Variants in SHTN1 observed in about 807,000 individuals in gnomAD.
SHTN1 encodes shootin 1, also known as shootin-1.
SHTN1 carries 42 observed loss-of-function variants against 83.1 expected under a neutral mutation model. The ratio of observed to expected loss-of-function variants is 0.51; its 90% CI spans 0.39 to 0.65. The LOEUF is 0.65. Among genes scored for constraint, SHTN1 ranks in the 30% least tolerant of loss-of-function variants. The pLI, the probability that SHTN1 is intolerant of heterozygous loss-of-function variation, is 0.00. For missense variants in SHTN1, 622 were observed against 737.8 expected (o/e 0.84, Z 1.82); for synonymous variants, 224 against 247.7 (o/e 0.90, Z 0.90).
At chr10:117,121,558 G>A (rs538727989) in intron 1 of SHTN1, among the ~76,000 whole-genome samples, 3 of 151,718 alleles carry the variant, frequency 2.0e-5, no homozygotes, top group South Asian at 4.2e-4. Flanking sequence ...CAGCCTGGCC[G>A]ATAGAGTGAG....
chr10:117,104,690 C>T (rs1388290338), intron 1 of SHTN1, among the ~76,000 whole-genome samples: 1 of 152,138 alleles, frequency 6.6e-6, no homozygotes, highest in African/African-American at 2.4e-5. Context: ...AGGAGAATGG[C>T]GTGAACCGGG....
intron 13 of SHTN1, among the ~76,000 whole-genome samples, chr10:116,914,207 C>T (rs993771218): frequency 3.7e-4 from 57 of 152,174 alleles, no homozygotes; most frequent in Admixed American, 3.0e-3. Flanking sequence ...GGCATGGTGG[C>T]TCATGCCTGT....
chr10:117,057,404 A>G (rs535231369), intron 1 of SHTN1, among the ~76,000 whole-genome samples: 1 of 152,138 alleles, frequency 6.6e-6, no homozygotes, highest in Non-Finnish European at 1.5e-5. Context: ...CAAATGTTGG[A>G]GAGCTGGGTT....
intron 14 of SHTN1, among the ~76,000 whole-genome samples, chr10:116,907,170 A>G (rs2133337777): frequency 6.6e-6 from 1 of 152,306 alleles, no homozygotes; most frequent in Non-Finnish European, 1.5e-5. Context: ...AGCGGCACTG[A>G]AAAATGTGTG....
chr10:117,098,405 A>G (rs1853539176), intron 1 of SHTN1, among the ~76,000 whole-genome samples: 1 of 151,372 alleles, frequency 6.6e-6, no homozygotes, highest in Non-Finnish European at 1.5e-5. Context: ...TCAAAAAAAA[A>G]AAAAAAAAAA....
intron 2 of SHTN1, among the ~76,000 whole-genome samples, chr10:117,028,239 C>A (rs1852358616): frequency 6.6e-6 from 1 of 152,242 alleles, no homozygotes; most frequent in Admixed American, 6.5e-5. Flanking sequence ...AAGATGTAAC[C>A]AGGCTGCTTC....
chr10:116,982,503 T>C (rs930684241), intron 1 of SHTN1, among the ~76,000 whole-genome samples: 3 of 152,168 alleles, frequency 2.0e-5, no homozygotes, highest in African/African-American at 4.8e-5. Flanking sequence ...AAGTGATCTA[T>C]ATTACTCAGC....
chr10:116,896,973 A>C (rs1847545182), intron 16 of SHTN1, among the ~76,000 whole-genome samples: 1 of 151,840 alleles, frequency 6.6e-6, no homozygotes, highest in Non-Finnish European at 1.5e-5. Context: ...CACCCAACTA[A>C]TTTTTGTATT....
chr10:116,928,720 G>A (rs2133376641), intron 10 of SHTN1, among the ~76,000 whole-genome samples: 1 of 152,232 alleles, frequency 6.6e-6, no homozygotes, highest in Non-Finnish European at 1.5e-5. Context: ...ACTTAAATAG[G>A]CAGTGTGGGC....
At chr10:116,941,884 A>C (rs866797268) in intron 8 of SHTN1, among the ~76,000 whole-genome samples, 1 of 152,232 alleles carries the variant, frequency 6.6e-6, no homozygotes, top group Non-Finnish European at 1.5e-5. Flanking sequence ...AAAAGGTCAG[A>C]AGCTTTCCTT....
chr10:116,947,012 C>T (rs1290472858), intron 7 of SHTN1, among the ~76,000 whole-genome samples: 3 of 151,946 alleles, frequency 2.0e-5, no homozygotes, highest in Non-Finnish European at 4.4e-5. Context: ...TGAGCCACCG[C>T]GCCTGGACAT....
intron 2 of SHTN1, among the ~76,000 whole-genome samples, chr10:117,046,647 CA>C (rs769801766): frequency 1.6e-4 from 25 of 152,114 alleles, no homozygotes; most frequent in Non-Finnish European, 3.4e-4. Flanking sequence ...AATGGATAAA[CA>C]AAATATGATA....
chr10:117,026,102 C>A (rs928426664), intron 2 of SHTN1, among the ~76,000 whole-genome samples: 1 of 152,130 alleles, frequency 6.6e-6, no homozygotes, highest in African/African-American at 2.4e-5. Context: ...GGTAGAGCAC[C>A]AAGTAGGCTC....
At chr10:117,114,408 G>A (rs1252126597) in intron 1 of SHTN1, among the ~76,000 whole-genome samples, 1 of 152,120 alleles carries the variant, frequency 6.6e-6, no homozygotes, top group Non-Finnish European at 1.5e-5. Context: ...AGAGGGGTTG[G>A]GGGCAGCCTG....
At chr10:116,939,419 G>C (rs1849284922) in intron 9 of SHTN1, among the ~76,000 whole-genome samples, 1 of 152,140 alleles carries the variant, frequency 6.6e-6, no homozygotes. Flanking sequence ...GCTAGGAGAG[G>C]GAGTTCTCCA....
intron 7 of SHTN1, among the ~76,000 whole-genome samples, chr10:116,948,284 G>A (rs1363353608): frequency 2.0e-5 from 3 of 152,146 alleles, no homozygotes; most frequent in Non-Finnish European, 2.9e-5. Flanking sequence ...ATAGCCACTG[G>A]AGACACTTCC....
intron 11 of SHTN1, among the ~76,000 whole-genome samples, chr10:116,922,303 G>A (rs1251835730): frequency 6.6e-6 from 1 of 152,088 alleles, no homozygotes; most frequent in East Asian, 1.9e-4. Context: ...AAAAAAATCT[G>A]ATAATATCAA....
intron 1 of SHTN1, among the ~76,000 whole-genome samples, chr10:117,004,117 C>T (rs1055284094): frequency 2.0e-5 from 3 of 152,082 alleles, no homozygotes; most frequent in Admixed American, 6.6e-5. Context: ...GAACTCCTGA[C>T]CTTAGGTGAT....
chr10:116,948,628 A>G (rs998201390), intron 7 of SHTN1, among the ~76,000 whole-genome samples: 1 of 152,184 alleles, frequency 6.6e-6, no homozygotes, highest in East Asian at 1.9e-4. Flanking sequence ...GGAGAGCTAA[A>G]AAGGCCATGA....
Sources: gnomAD v4.1 joint callset for allele counts (sites outside exome capture counted in the v4.1 genomes callset) on GRCh38, gnomAD v4.1.1 for gene constraint, MANE v1.5 for transcripts, NCBI Gene and HGNC (gene_info 2026-07-23, HGNC 2026-07-21) for gene names.